LYRM4: variants seen among roughly 807,000 people sequenced by gnomAD.
LYRM4 encodes the protein LYR motif-containing protein 4.
In LYRM4, 9 loss-of-function variants were observed where a neutral mutation model predicts 11.7. That is an observed-to-expected ratio of 0.77 (90% confidence interval 0.46 to 1.34). The LOEUF (loss-of-function observed/expected upper bound fraction) is 1.34. Ranked by LOEUF, LYRM4 falls within the 40% of genes most tolerant of loss-of-function variation. LYRM4 has a pLI of 0.00. For missense variants in LYRM4, 133 were observed against 112.5 expected, an observed-to-expected ratio of 1.18 and a Z score of -0.82; for synonymous variants, 42 against 40.4, an observed-to-expected ratio of 1.04 and a Z score of -0.15.
intron 2 of LYRM4, among the ~76,000 whole-genome samples, chr6:5,197,681 AT>A (rs1196617863): frequency 2.0e-5 from 3 of 152,156 alleles, no homozygotes; most frequent in Non-Finnish European, 4.4e-5. Context: ...CTCAAAAAAA[AT>A]AAATAAATAA....
chr6:5,228,816 C>A (rs546460714), intron 1 of LYRM4, among the ~76,000 whole-genome samples: 32 of 150,556 alleles, frequency 2.1e-4, no homozygotes, highest in African/African-American at 7.8e-4. Context: ...CTGGCTAACA[C>A]GGTGAAACCC....
the LYRM4 span, among the ~76,000 whole-genome samples, chr6:5,054,974 T>G: frequency 6.6e-6 from 1 of 152,198 alleles, no homozygotes. Context: ...CTTCCCTTAT[T>G]AGGCCTTTTC....
At chr6:5,043,753 C>T in the LYRM4 span, among the ~76,000 whole-genome samples, 57 of 152,240 alleles carry the variant, frequency 3.7e-4, no homozygotes, top group East Asian at 5.4e-3. Context: ...CAATCCAGAG[C>T]CCACACCCCA....
At position 5,215,968 on chromosome 6, in the gene LYRM4, C is replaced by G. The variant is rs571866046; in HGVS notation, c.207+650G>C. On this transcript the variant is annotated intron_variant, in intron 2 of 2. Transcript: ENST00000330636. ...TTTAACCTCTGACGTTCTAATTACTCTTGCGGATGTTATCAGACCACGCAG... is the reference window on the plus strand; with the variant it reads ...TTTAACCTCTGACGTTCTAATTACTGTTGCGGATGTTATCAGACCACGCAG... Among the ~76,000 whole-genome samples the G allele has an allele frequency of 7.0e-4, 107 of 152,332 alleles. No individual in the cohort carries two copies. In the Middle Eastern group the frequency reaches 0.027, roughly 39 times the overall value.
intron 1 of LYRM4, among the ~76,000 whole-genome samples, chr6:5,242,141 C>T (rs934638229): frequency 5.4e-5 from 8 of 149,202 alleles, no homozygotes; most frequent in African/African-American, 1.7e-4. Flanking sequence ...GGTGTGATCT[C>T]GGCTCACTGC....
the LYRM4 span, among the ~76,000 whole-genome samples, chr6:5,093,255 G>C: frequency 1.3e-5 from 2 of 152,158 alleles, no homozygotes; most frequent in African/African-American, 2.4e-5. Flanking sequence ...CTTTTTGTTT[G>C]TTTTTTTGTT....
the LYRM4 span, among the ~76,000 whole-genome samples, chr6:5,098,619 CAT>C: frequency 0.011 from 1,608 of 152,304 alleles, 25 homozygotes; most frequent in African/African-American, 0.036. Flanking sequence ...CATTATCTGT[CAT>C]AGTCAAAAGC....
At chr6:5,042,456 T>G in the LYRM4 span, 1 of 152,616 alleles carries the variant, frequency 6.6e-6, no homozygotes, top group Admixed American at 6.5e-5. Flanking sequence ...CAACAACCTT[T>G]CAGCACAGTT....
chr6:5,154,340 T>C (rs1271224063), intron 2 of LYRM4, among the ~76,000 whole-genome samples: 1 of 152,206 alleles, frequency 6.6e-6, no homozygotes, highest in Non-Finnish European at 1.5e-5. Flanking sequence ...GAGTCTGATT[T>C]TTAATATTTC....
At chr6:5,192,799 G>A (rs1368691401) in intron 2 of LYRM4, among the ~76,000 whole-genome samples, 1 of 152,244 alleles carries the variant, frequency 6.6e-6, no homozygotes, top group African/African-American at 2.4e-5. Flanking sequence ...GCCGAGGCGG[G>A]CGGATCACCT....
At chr6:5,118,094 A>ATATATATATATTTTT in intron 2 of LYRM4, among the ~76,000 whole-genome samples, 4,288 of 85,652 alleles carry the variant, frequency 0.05, 150 homozygotes, top group South Asian at 0.11. Context: ...ATATATATAT[A>ATATATATATATTTTT]TTTTTGTTTT....
At chr6:5,099,620 T>C (rs1247173979), downstream of LYRM4, among the ~76,000 whole-genome samples, 2 of 152,148 alleles carry the variant, frequency 1.3e-5, no homozygotes, top group Non-Finnish European at 2.9e-5. This position sits in a 1 kb window ranked among gnomAD's most constrained non-coding sequence, Gnocchi z 4.3. Flanking sequence ...TTTATTTCTT[T>C]TGTTTTGAGA....
Position 5,260,724 on chromosome 6 carries a change from A to G in LYRM4, c.10T>C (p.Ser4Pro). ...AGAGATAACACTTGTGCGCGACTGG[A>G]GGCTGCCATTTTGGAAAGAAAAAAA... MAA[S>P]SRAQVLSLYR... Residue 4 changes from serine to proline, a missense_variant, in exon 1 of 3, where the codon TCC becomes CCC. Ser to Pro is a moderately conservative substitution (Grantham distance 74, BLOSUM62 -1). Transcript: ENST00000330636. The G allele has an allele frequency of 1.3e-6, 2 of 1,545,354 alleles. No homozygotes were observed. Among genetic ancestry groups the G allele is most frequent in the African/African-American group, 1.4e-5 (1 of 72,850 alleles).
At chr6:5,066,587 A>G in the LYRM4 span, 1 of 1,065,484 alleles carries the variant, frequency 9.4e-7, no homozygotes, top group Non-Finnish European at 1.5e-6. Context: ...AGGACTCCAA[A>G]TGTGGAATAA....
chr6:5,210,737 T>C (rs1284907565), intron 2 of LYRM4, among the ~76,000 whole-genome samples: 2 of 152,310 alleles, frequency 1.3e-5, no homozygotes, highest in South Asian at 4.1e-4. Context: ...TTGACTACTT[T>C]AGACACCTCA....
chr6:5,253,685 C>T (rs778706479), intron 1 of LYRM4, among the ~76,000 whole-genome samples: 3 of 151,954 alleles, frequency 2.0e-5, no homozygotes, highest in African/African-American at 4.8e-5. Flanking sequence ...AAGTTGTCAC[C>T]GACCAATTGA....
At chr6:5,156,841 C>T (rs975907331) in intron 2 of LYRM4, among the ~76,000 whole-genome samples, 10 of 152,184 alleles carry the variant, frequency 6.6e-5, no homozygotes, top group Admixed American at 1.3e-4. Context: ...ACTTCCCAGG[C>T]GCAGCTCTGC....
intron 2 of LYRM4, among the ~76,000 whole-genome samples, chr6:5,190,218 A>G (rs1220561972): frequency 6.6e-6 from 1 of 151,470 alleles, no homozygotes; most frequent in African/African-American, 2.4e-5. Flanking sequence ...AAAGCATTTG[A>G]TTTCCTTGAG....
chr6:5,189,175 T>G (rs1233573064), intron 2 of LYRM4, among the ~76,000 whole-genome samples: 1 of 152,268 alleles, frequency 6.6e-6, no homozygotes, highest in Non-Finnish European at 1.5e-5. Context: ...CATCTTGTTT[T>G]TAGATTATAA....
Sources: gnomAD v4.1 joint callset for allele counts (sites outside exome capture counted in the v4.1 genomes callset) on GRCh38, gnomAD v4.1.1 for gene constraint, Gnocchi (gnomAD v3.1) non-coding constraint, MANE v1.5 for transcripts, NCBI Gene and HGNC (gene_info 2026-07-23, HGNC 2026-07-21) for gene names.